GNG12: variants seen among roughly 807,000 people sequenced by gnomAD.
The protein encoded by GNG12 is guanine nucleotide-binding protein G(I)/G(S)/G(O) subunit gamma-12.
For synonymous variants in GNG12, 28 were observed against 29.7 expected, an observed-to-expected ratio of 0.94 and a Z score of 0.19; for missense variants, 69 against 83.8, an observed-to-expected ratio of 0.82 and a Z score of 0.69.
At chr1:67,742,059 C>A (rs1438840727) in intron 2 of GNG12, among the ~76,000 whole-genome samples, 2 of 152,196 alleles carry the variant, frequency 1.3e-5, no homozygotes, top group African/African-American at 2.4e-5. Context: ...GGGACCAACA[C>A]CAAGTTTAGG....
intron 2 of GNG12, among the ~76,000 whole-genome samples, chr1:67,764,702 T>A (rs12072469): frequency 6.6e-6 from 1 of 152,046 alleles, no homozygotes; most frequent in Non-Finnish European, 1.5e-5. Flanking sequence ...TGTGTGTATA[T>A]GTGTGTGTGT....
At chr1:67,712,571 T>A (rs1646301689) in intron 2 of GNG12, among the ~76,000 whole-genome samples, 1 of 152,130 alleles carries the variant, frequency 6.6e-6, no homozygotes. Context: ...CACATATCTG[T>A]AGTCCCAGCT....
chr1:67,799,753 T>G (rs879890297), intron 1 of GNG12, among the ~76,000 whole-genome samples: 4 of 152,220 alleles, frequency 2.6e-5, no homozygotes, highest in Admixed American at 6.5e-5. Flanking sequence ...AATAAATTCA[T>G]TAGATCTTGG....
At chr1:67,751,684 A>G (rs1485882362) in intron 2 of GNG12, among the ~76,000 whole-genome samples, 2 of 152,228 alleles carry the variant, frequency 1.3e-5, no homozygotes, top group East Asian at 3.8e-4. Context: ...ATTCCCATTC[A>G]ATAGCATCCT....
At chr1:67,722,704 G>A (rs976095515) in intron 2 of GNG12, among the ~76,000 whole-genome samples, 1 of 152,162 alleles carries the variant, frequency 6.6e-6, no homozygotes, top group Non-Finnish European at 1.5e-5. Context: ...GCCACCAAAG[G>A]TTTCTGAGCA....
intron 2 of GNG12, among the ~76,000 whole-genome samples, chr1:67,746,283 A>T (rs1303449979): frequency 6.6e-6 from 1 of 152,248 alleles, no homozygotes; most frequent in Non-Finnish European, 1.5e-5. Context: ...ACCTGCTGAC[A>T]AAGGCATAGT....
intron 1 of GNG12, among the ~76,000 whole-genome samples, chr1:67,782,549 G>A (rs942476599): frequency 1.3e-5 from 2 of 152,154 alleles, no homozygotes; most frequent in Non-Finnish European, 2.9e-5. Context: ...AATCCACAGA[G>A]AGCTTCTGAA....
chr1:67,726,540 G>C (rs1350788772), intron 2 of GNG12, among the ~76,000 whole-genome samples: 2 of 152,096 alleles, frequency 1.3e-5, no homozygotes, highest in Non-Finnish European at 2.9e-5. Context: ...GAGTGATAAG[G>C]GCTTGAACCC....
chr1:67,735,450 C>T (rs1465226479), intron 2 of GNG12, among the ~76,000 whole-genome samples: 1 of 152,226 alleles, frequency 6.6e-6, no homozygotes, highest in East Asian at 1.9e-4. Context: ...GGCTTAAGTT[C>T]TGGTTCTTGC....
At chr1:67,755,273 G>A (rs1373058399) in intron 2 of GNG12, among the ~76,000 whole-genome samples, 1 of 152,112 alleles carries the variant, frequency 6.6e-6, no homozygotes, top group Non-Finnish European at 1.5e-5. Context: ...TATATGAGAT[G>A]GTAAGTTCCC....
intron 1 of GNG12, among the ~76,000 whole-genome samples, chr1:67,818,564 T>C (rs1376424791): frequency 1.3e-5 from 2 of 152,070 alleles, no homozygotes; most frequent in African/African-American, 2.4e-5. Flanking sequence ...GATGGTCAAA[T>C]TGCTATAAAA....
At chr1:67,774,785 T>C (rs17130261) in intron 2 of GNG12, among the ~76,000 whole-genome samples, 2,488 of 152,266 alleles carry the variant, frequency 0.016, 78 homozygotes, top group African/African-American at 0.056. Context: ...CAGTTGATAA[T>C]AGCATAGTGT....
intron 1 of GNG12, among the ~76,000 whole-genome samples, chr1:67,801,819 T>A (rs1055653972): frequency 6.6e-6 from 1 of 152,084 alleles, no homozygotes; most frequent in South Asian, 2.1e-4. Context: ...TATAATTTCA[T>A]AGAGTTGCTG....
intron 1 of GNG12, among the ~76,000 whole-genome samples, chr1:67,811,133 C>A (rs946839065): frequency 6.6e-6 from 1 of 152,198 alleles, no homozygotes; most frequent in Non-Finnish European, 1.5e-5. Context: ...AATTTGAGAA[C>A]TGCTGCTCTG....
At chr1:67,757,828 G>T (rs1172699260) in intron 2 of GNG12, among the ~76,000 whole-genome samples, 1 of 152,202 alleles carries the variant, frequency 6.6e-6, no homozygotes, top group Non-Finnish European at 1.5e-5. Flanking sequence ...AGGACACTGG[G>T]GAGTGTTGGG....
chr1:67,802,773 C>A (rs1646874038), intron 1 of GNG12, among the ~76,000 whole-genome samples: 1 of 152,156 alleles, frequency 6.6e-6, no homozygotes, highest in Admixed American at 6.5e-5. Context: ...TCCCACTGGA[C>A]TTTACTCCTG....
At chr1:67,787,060 TG>T (rs1646774596) in intron 1 of GNG12, among the ~76,000 whole-genome samples, 1 of 150,070 alleles carries the variant, frequency 6.7e-6, no homozygotes, top group African/African-American at 2.5e-5. Context: ...TGTGTGTGTG[TG>T]TGTGTGTGTA....
chr1:67,751,474 G>T (rs1421241002), intron 2 of GNG12, among the ~76,000 whole-genome samples: 3 of 152,156 alleles, frequency 2.0e-5, no homozygotes, highest in East Asian at 1.9e-4. Flanking sequence ...CACAGTTAGG[G>T]TCTCTGTACC....
chr1:67,764,606 C>A (rs982588454), intron 2 of GNG12, among the ~76,000 whole-genome samples: 24 of 152,130 alleles, frequency 1.6e-4, no homozygotes, highest in African/African-American at 4.1e-4. Flanking sequence ...ACTGTCTCAA[C>A]ACTAGATTAA....
Sources: gnomAD v4.1 joint callset for allele counts (sites outside exome capture counted in the v4.1 genomes callset) on GRCh38, gnomAD v4.1.1 for gene constraint, MANE v1.5 for transcripts, NCBI Gene and HGNC (gene_info 2026-07-23, HGNC 2026-07-21) for gene names.